Variants in TMEM260 observed in about 807,000 individuals in gnomAD.
TMEM260 encodes transmembrane protein 260, also known as protein O-mannosyl-transferase TMEM260.
Under a neutral mutation model 88.9 loss-of-function variants are expected in TMEM260, and 82 were observed. That is an observed-to-expected ratio of 0.92 (90% CI 0.77 to 1.11). TMEM260 has a LOEUF of 1.11. TMEM260 is among the 50% of genes least tolerant of loss of function. TMEM260 has a pLI of 0.00. For synonymous variants in TMEM260, 314 were observed against 309.3 expected (o/e 1.02, Z -0.16); for missense variants, 902 against 853.4 (o/e 1.06, Z -0.71).
intron 3 of TMEM260, among the ~76,000 whole-genome samples, chr14:56,597,565 A>G (rs1252475047): frequency 6.6e-6 from 1 of 152,190 alleles, no homozygotes; most frequent in Non-Finnish European, 1.5e-5. Context: ...AGGGGCTTAT[A>G]TTATGTTTTA....
chr14:56,640,524 G>A (rs1889503880), intron 15 of TMEM260, among the ~76,000 whole-genome samples: 1 of 152,158 alleles, frequency 6.6e-6, no homozygotes, highest in African/African-American at 2.4e-5. Context: ...ACCGAAGGTA[G>A]ATAAAACCAC....
chr14:56,595,215 G>A (rs542233380), intron 3 of TMEM260, among the ~76,000 whole-genome samples: 61 of 152,270 alleles, frequency 4.0e-4, no homozygotes, highest in Non-Finnish European at 5.1e-4. Context: ...TATATTTGTA[G>A]TTATGATTTT....
chr14:56,597,312 A>G (rs1886308461), intron 3 of TMEM260, among the ~76,000 whole-genome samples: 1 of 152,228 alleles, frequency 6.6e-6, no homozygotes, highest in Admixed American at 6.5e-5. Context: ...TGTTCAACTG[A>G]TATGTGTTCT....
At chr14:56,618,461 TC>T (rs1887715617) in intron 9 of TMEM260, 132 bp from the exon 10 acceptor site, 1 of 780,348 alleles carries the variant, frequency 1.3e-6, no homozygotes, top group South Asian at 1.9e-5. Context: ...ATTGGGGAAA[TC>T]AGTTAACAAA....
rs925839791 is a variant in TMEM260, at chr14:56,604,076, C to G, written c.522+84C>G. 7 of 1,324,318 alleles carry G rather than the reference C, an allele frequency of 5.3e-6. No homozygotes were observed. The African/African-American group carries it at 9.0e-5, about 17-fold the overall frequency. 82.0% of individuals were successfully genotyped at this position (1,324,318 alleles called of 1,614,324 possible). A position where few individuals can be genotyped will look rare whatever the true frequency, so the allele number is the denominator to read the frequency against. On this transcript the variant is annotated intron_variant, in intron 4 of 15. Coordinates refer to ENST00000261556, the MANE Select transcript of TMEM260 (RefSeq NM_017799.4). ...TTCTTTTTAACTTTGGCTTAAATACCTTTTATCTATTCTGATTACAGTCGG... is the reference window on the plus strand; with the variant it reads ...TTCTTTTTAACTTTGGCTTAAATACGTTTTATCTATTCTGATTACAGTCGG...
intron 3 of TMEM260, 47 bp downstream of exon 3, chr14:56,585,959 T>C (rs1417672078): frequency 2.5e-6 from 4 of 1,588,170 alleles, no homozygotes; most frequent in Admixed American, 1.7e-5. Flanking sequence ...GTTGGAGATG[T>C]AGATTTCTTA....
At chr14:56,659,255 G>GTTTT in the TMEM260 span, among the ~76,000 whole-genome samples, 8 of 119,758 alleles carry the variant, frequency 6.7e-5, no homozygotes, top group African/African-American at 2.4e-4. Context: ...TTGTTTTTTG[G>GTTTT]TTTTTGTTTT....
the TMEM260 span, among the ~76,000 whole-genome samples, chr14:56,657,561 C>T: frequency 6.6e-6 from 1 of 152,188 alleles, no homozygotes; most frequent in Non-Finnish European, 1.5e-5. Flanking sequence ...ACAGAGCTTC[C>T]ATTCCAGAAG....
intron 15 of TMEM260, among the ~76,000 whole-genome samples, chr14:56,643,608 G>T (rs1486560849): frequency 2.0e-5 from 3 of 152,150 alleles, no homozygotes; most frequent in Non-Finnish European, 1.5e-5. Context: ...ACAAGACAGG[G>T]ATGCCCTCTC....
In TMEM260 at chr14:56,623,091, T is replaced by C. The variant is rs1235507124; in HGVS notation, c.1398+1389T>C. Among the ~76,000 whole-genome samples the C allele has an allele frequency of 4.6e-5, 7 of 152,350 alleles. No individual in the cohort carries two copies. The South Asian group carries it at 1.4e-3, about 32-fold the overall frequency. ...TCCTGGATATGTGACATGGGGCTAATGATTTTTCCTCTCAGAGCTTCTGTT... is the reference window on the plus strand; with the variant it reads ...TCCTGGATATGTGACATGGGGCTAACGATTTTTCCTCTCAGAGCTTCTGTT... On this transcript the variant is annotated intron_variant, in intron 11 of 15. Coordinates refer to ENST00000261556, the MANE Select transcript of TMEM260 (RefSeq NM_017799.4).
At chr14:56,579,727 C>G (rs1397219651), upstream of TMEM260, 1 of 434,744 alleles carries the variant, frequency 2.3e-6, no homozygotes, top group Non-Finnish European at 3.8e-6. Context: ...GGGCCTGGCT[C>G]AAGGGAGGCC....
chr14:56,585,548 G>A, intron 2 of TMEM260: 1 of 505,946 alleles, frequency 2.0e-6, no homozygotes, highest in Non-Finnish European at 3.5e-6. Context: ...TCTGGGTGAC[G>A]CACCATGTGA....
At chr14:56,661,552 GAGGGAGGGAAAGAGGGAAGGGAGGA>G in the TMEM260 span, among the ~76,000 whole-genome samples, 3 of 130,230 alleles carry the variant, frequency 2.3e-5, no homozygotes, top group African/African-American at 8.7e-5. Context: ...GGGAGGGAGG[GAGGGAGGGAAAGAGGGAAGGGAGGA>G]AGGGAGGGAA....
chr14:56,650,300 A>G (rs951971952), downstream of TMEM260: 2 of 320,938 alleles, frequency 6.2e-6, no homozygotes, highest in African/African-American at 2.2e-5. Flanking sequence ...GACTCTCCAC[A>G]TGCGTCAGGG....
chr14:56,581,479 G>A (rs1885130416), intron 1 of TMEM260, among the ~76,000 whole-genome samples: 2 of 152,216 alleles, frequency 1.3e-5, no homozygotes, highest in Non-Finnish European at 2.9e-5. Context: ...CTTTATAGTT[G>A]TGAGTTTTGG....
intron 12 of TMEM260, among the ~76,000 whole-genome samples, chr14:56,626,826 C>T (rs994986842): frequency 3.3e-5 from 5 of 152,106 alleles, no homozygotes; most frequent in African/African-American, 7.2e-5. Context: ...AGTGTGAAGA[C>T]GATCAGTATC....
At position 56,633,341 on chromosome 14, in the gene TMEM260, C is replaced by A; in HGVS notation, c.1724+170C>A. ...CAACAGAAAGAGAACATGTCCTTCTCGTTCTCCTACTTACAGAACAATGGG... is the reference window on the plus strand; with the variant it reads ...CAACAGAAAGAGAACATGTCCTTCTAGTTCTCCTACTTACAGAACAATGGG... On this transcript the variant is annotated intron_variant, in intron 13 of 15. Transcript: ENST00000261556. The A allele has an allele frequency of 7.6e-6, 4 of 529,380 alleles. No individual in the cohort carries two copies. In the South Asian group the frequency reaches 9.9e-5, roughly 13 times the overall value. 32.8% of individuals were successfully genotyped at this position (529,380 alleles called of 1,614,324 possible). A position where few individuals can be genotyped will look rare whatever the true frequency, so the allele number is the denominator to read the frequency against.
intron 3 of TMEM260, among the ~76,000 whole-genome samples, chr14:56,595,855 T>C (rs555793253): frequency 2.4e-4 from 36 of 152,252 alleles, no homozygotes; most frequent in Non-Finnish European, 4.4e-4. Context: ...AAAATAAAAG[T>C]TTTTAAAAAT....
chr14:56,636,422 C>CAGTGGAGAAGCCTGGAAGA (rs1889080593), intron 14 of TMEM260, 86 bp from the exon 15 acceptor site: 1 of 988,422 alleles, frequency 1.0e-6, no homozygotes, highest in Non-Finnish European at 1.6e-6. Flanking sequence ...CATCCCTTAT[C>CAGTGGAGAAGCCTGGAAGA]AGTGGAGAAG....
Sources: gnomAD v4.1 joint callset for allele counts (sites outside exome capture counted in the v4.1 genomes callset) on GRCh38, gnomAD v4.1.1 for gene constraint, MANE v1.5 for transcripts, NCBI Gene and HGNC (gene_info 2026-07-23, HGNC 2026-07-21) for gene names.